AP1G1: variants seen among roughly 807,000 people sequenced by gnomAD.
AP1G1 encodes AP-1 complex subunit gamma-1.
In AP1G1, 7 loss-of-function variants were observed where a neutral mutation model predicts 108.3. The observed-to-expected ratio is 0.06, with a 90% CI of 0.04 to 0.12. The LOEUF is 0.12. Ranked by LOEUF, AP1G1 falls within the 10% of genes least tolerant of loss-of-function variation. The pLI, the probability that AP1G1 is intolerant of heterozygous loss-of-function variation, is 1.00. For synonymous variants in AP1G1, 379 were observed against 353.5 expected, an observed-to-expected ratio of 1.07 and a Z score of -0.81; for missense variants, 756 against 1,010.7, an observed-to-expected ratio of 0.75 and a Z score of 3.42.
At position 71,771,263 on chromosome 16, in the gene AP1G1, A is replaced by T. The variant is rs529365840; in HGVS notation, c.469-11T>A. The T allele has an allele frequency of 1.1e-5, 16 of 1,490,516 alleles. No individual in the cohort carries two copies. In the South Asian group the frequency reaches 1.1e-4, roughly 11 times the overall value. 92.3% of individuals were successfully genotyped at this position (1,490,516 alleles called of 1,614,324 possible). On this transcript the variant is annotated splice_polypyrimidine_tract_variant and intron_variant, in intron 4 of 22. Coordinates refer to ENST00000299980, the MANE Select transcript of AP1G1 (RefSeq NM_001128.6). ...AGCACACAGTGCTGCCTATGAAAAA[A>T]AAAATAAAAGAACAAAAGGTTTATT...
chr16:71,777,682 C>T, intron 2 of AP1G1: 1 of 454,226 alleles, frequency 2.2e-6, no homozygotes. Flanking sequence ...TCAGCTCGGG[C>T]CCTTCATCAT....
rs369499059 is a variant in AP1G1 at position 71,806,535 on chromosome 16, G to A, written c.-4+2228C>T. ...GGATTACAAGCATGAGCCACTGAGC[G>A]CCCGCCTGAATGACATTTAAATACC... On this transcript the variant is annotated intron_variant, in intron 1 of 22. Coordinates refer to ENST00000299980, the MANE Select transcript of AP1G1 (RefSeq NM_001128.6). 4.5e-5 allele frequency: 17 copies of A among 375,108 alleles called. 1 individual carries two copies. The highest frequency in any genetic ancestry group is 1.9e-4 in the South Asian group (8 of 41,626). 23.2% of individuals were successfully genotyped at this position (375,108 alleles called of 1,614,324 possible). A position where few individuals can be genotyped will look rare whatever the true frequency, so the allele number is the denominator to read the frequency against.
At chr16:71,760,611 C>G (rs2031040315) in intron 10 of AP1G1, among the ~76,000 whole-genome samples, 1 of 151,744 alleles carries the variant, frequency 6.6e-6, no homozygotes, top group Admixed American at 6.6e-5. Flanking sequence ...GTGGCATGAT[C>G]ACAGCTCACT....
At chr16:71,804,554 C>A (rs2032931262) in intron 1 of AP1G1, among the ~76,000 whole-genome samples, 1 of 151,732 alleles carries the variant, frequency 6.6e-6, no homozygotes, top group African/African-American at 2.4e-5. Flanking sequence ...AATGCAGGTG[C>A]ACATCACCAT....
At position 71,739,289 on chromosome 16, in the gene AP1G1, G is replaced by C. The variant is rs1490142763; in HGVS notation, c.2052C>G (p.Pro684=). The change falls in exon 20 of 23, where the codon CCC becomes CCG. Residue 684 remains proline, a synonymous_variant. Coordinates refer to ENST00000299980, the MANE Select transcript of AP1G1 (RefSeq NM_001128.6). ...APASVPQISQ[P]PFLLDGLSSQ... is the part of the protein sequence containing the mutation. ...ATGAAAGCCCATCCAACAAGAAGGG[G>C]GGCTGGGATATCTGTGGGACTGAGG... is the stretch of plus-strand genomic sequence containing the variant. 2 of 1,612,746 alleles carry C rather than the reference G, an allele frequency of 1.2e-6. No homozygotes were observed. The highest frequency in any genetic ancestry group is 2.2e-5 in the South Asian group (2 of 90,782).
intron 1 of AP1G1, among the ~76,000 whole-genome samples, chr16:71,795,490 A>T (rs560099359): frequency 2.0e-5 from 3 of 152,186 alleles, no homozygotes; most frequent in African/African-American, 7.2e-5. Context: ...GTAAGTTAAC[A>T]TCAGGCAAAA....
chr16:71,765,110 G>C (rs1313811274), intron 7 of AP1G1, among the ~76,000 whole-genome samples: 2 of 152,192 alleles, frequency 1.3e-5, no homozygotes, highest in Non-Finnish European at 2.9e-5. Context: ...AGAGGCTGAG[G>C]GGGGCGGGCT....
intron 15 of AP1G1, among the ~76,000 whole-genome samples, chr16:71,749,044 C>A (rs941640067): frequency 6.6e-6 from 1 of 152,060 alleles, no homozygotes; most frequent in Non-Finnish European, 1.5e-5. Context: ...GTAGCTGGGA[C>A]TACAGGTGCC....
chr16:71,744,661 C>T (rs761145885), intron 19 of AP1G1, among the ~76,000 whole-genome samples: 17 of 150,606 alleles, frequency 1.1e-4, no homozygotes, highest in Non-Finnish European at 1.9e-4. Flanking sequence ...CTGCAACCTC[C>T]GTCTCTCAGG....
chr16:71,750,489 A>G, intron 13 of AP1G1, 157 bp from the exon 14 acceptor site: 1 of 749,956 alleles, frequency 1.3e-6, no homozygotes, highest in East Asian at 3.0e-5. Context: ...ATCTTGGCTC[A>G]CTGCAACCTC....
rs2045463170 is a variant in AP1G1, at chr16:71,730,063, T to A, written c.*2995A>T. 1.3e-5 allele frequency: 2 copies of A among 152,572 alleles called. No homozygotes were observed. Among genetic ancestry groups the A allele is most frequent in the Admixed American group, 1.3e-4 (2 of 15,270 alleles). The allele number at this position is 152,572 out of a possible 1,614,324, so 9.5% of individuals were successfully genotyped here. ...ACAAACAAGGAGTACAAATCACACCTTTAAACTAGCAAGAGGAAAGAATCC... is the reference window on the plus strand; with the variant it reads ...ACAAACAAGGAGTACAAATCACACCATTAAACTAGCAAGAGGAAAGAATCC... On this transcript the variant is annotated 3_prime_UTR_variant, in exon 23 of 23. Coordinates refer to ENST00000299980, the MANE Select transcript of AP1G1 (RefSeq NM_001128.6).
intron 2 of AP1G1, among the ~76,000 whole-genome samples, chr16:71,785,489 C>T (rs753738236): frequency 1.4e-4 from 21 of 146,658 alleles, no homozygotes; most frequent in Non-Finnish European, 2.4e-4. Context: ...GCAGGAGAAT[C>T]GCTTGAACCT....
At chr16:71,736,611 A>C (rs533397275) in intron 21 of AP1G1, among the ~76,000 whole-genome samples, 1 of 143,018 alleles carries the variant, frequency 7.0e-6, no homozygotes, top group East Asian at 2.0e-4. Flanking sequence ...TTTTGAGACG[A>C]GTCTCGCTCT....
rs2145401760 is a variant in AP1G1, at chr16:71,731,184, CTTACA to C, written c.*1869_*1873del. On this transcript the variant is annotated 3_prime_UTR_variant, in exon 23 of 23. Transcript: ENST00000299980. ...TGTCTGAAATATGCACTAGTCCACACTTACATTACTGAAAACTATGCAGGAGATAT... is the reference window on the plus strand; with the variant it reads ...TGTCTGAAATATGCACTAGTCCACACTTACTGAAAACTATGCAGGAGATAT... 1 of 152,608 alleles carries C rather than the reference CTTACA, an allele frequency of 6.6e-6. No homozygotes were observed. The highest frequency in any genetic ancestry group is 1.9e-4 in the East Asian group (1 of 5,192). 9.5% of individuals were successfully genotyped at this position (152,608 alleles called of 1,614,324 possible).
intron 6 of AP1G1, chr16:71,767,741 G>A: frequency 2.4e-6 from 2 of 844,958 alleles, no homozygotes; most frequent in South Asian, 3.6e-5. Context: ...GCCAAAGATG[G>A]TAGAACAATA....
chr16:71,784,493 T>C (rs1348843389), intron 2 of AP1G1, among the ~76,000 whole-genome samples: 2 of 152,232 alleles, frequency 1.3e-5, no homozygotes, highest in African/African-American at 4.8e-5. Context: ...TTTTTCTCTT[T>C]AATGTAGATG....
At chr16:71,756,214 A>T (rs1018733667) in intron 11 of AP1G1, 55 bp from the exon 12 acceptor site, 97 of 1,554,528 alleles carry the variant, frequency 6.2e-5, no homozygotes, top group Middle Eastern at 1.8e-4. Flanking sequence ...GAAATGAAAC[A>T]AAGACCCAGG....
chr16:71,794,864 T>TTTTTTTTTTA (rs71153663), intron 1 of AP1G1, among the ~76,000 whole-genome samples: 1 of 121,334 alleles, frequency 8.2e-6, no homozygotes, highest in Non-Finnish European at 1.7e-5. Flanking sequence ...TTTTTTTTTT[T>TTTTTTTTTTA]ACTTTGAAAT....
chr16:71,776,989 A>C (rs983742455), intron 2 of AP1G1, among the ~76,000 whole-genome samples: 7 of 151,388 alleles, frequency 4.6e-5, no homozygotes, highest in Non-Finnish European at 7.4e-5. Flanking sequence ...GGCGCCTGTA[A>C]TCCCAGCTAC....
Sources: gnomAD v4.1 joint callset for allele counts (sites outside exome capture counted in the v4.1 genomes callset) on GRCh38, gnomAD v4.1.1 for gene constraint, MANE v1.5 for transcripts, NCBI Gene and HGNC (gene_info 2026-07-23, HGNC 2026-07-21) for gene names.